The following SUCLG1 variants were observed in gnomAD, a reference collection of about 807,000 sequenced individuals.
The protein encoded by SUCLG1 is succinate--CoA ligase [ADP/GDP-forming] subunit alpha, mitochondrial.
SUCLG1 carries 26 observed loss-of-function variants against 37.3 expected under a neutral mutation model. The observed-to-expected ratio is 0.70, with a 90% CI of 0.51 to 0.97. The LOEUF (loss-of-function observed/expected upper bound fraction) is 0.97, where lower values mean the gene tolerates loss of function less well. Among genes scored for constraint, SUCLG1 ranks in the 50% least tolerant of loss-of-function variants. The pLI is 0.00. For synonymous variants in SUCLG1, 163 were observed against 155.6 expected (o/e 1.05, Z -0.36); for missense variants, 433 against 432.9 (o/e 1.00, Z 0.00).
intron 7 of SUCLG1, among the ~76,000 whole-genome samples, chr2:84,428,562 G>A (rs1378316545): frequency 6.6e-6 from 1 of 152,294 alleles, no homozygotes; most frequent in Non-Finnish European, 1.5e-5. Context: ...TCCCCAAAAA[G>A]TGGGAATATT....
At chr2:84,446,767 A>T (rs937742282) in intron 2 of SUCLG1, among the ~76,000 whole-genome samples, 1 of 152,360 alleles carries the variant, frequency 6.6e-6, no homozygotes, top group African/African-American at 2.4e-5. Flanking sequence ...TTTGCAATTT[A>T]AAAAAGTAAA....
At chr2:84,438,193 T>C (rs745334217) in intron 5 of SUCLG1, among the ~76,000 whole-genome samples, 1 of 152,216 alleles carries the variant, frequency 6.6e-6, no homozygotes, top group Non-Finnish European at 1.5e-5. Context: ...TTGCAAGATG[T>C]TAACCATTGG....
rs200853949 is a variant in SUCLG1 at position 84,450,059 on chromosome 2, TG to T, written c.98-308del. ...TCATTTTTATTTCCTAGAAAAAAAC[TG>T]GGGCTCAAAGATAAATGGTTAAAAT... On this transcript the variant is annotated intron_variant, in intron 1 of 8. Transcript: ENST00000393868. Among the ~76,000 whole-genome samples, 729 of 152,214 alleles carry T rather than the reference TG, an allele frequency of 4.8e-3. 11 individuals carry two copies. The East Asian group carries it at 0.066, about 14-fold the overall frequency.
chr2:84,452,524 G>C (rs1238949076), intron 1 of SUCLG1, among the ~76,000 whole-genome samples: 2 of 152,128 alleles, frequency 1.3e-5, no homozygotes, highest in African/African-American at 4.8e-5. Flanking sequence ...TATACTGGGG[G>C]ACTTTAAAAG....
chr2:84,456,809 G>A (rs181741973), intron 1 of SUCLG1, among the ~76,000 whole-genome samples: 23 of 152,068 alleles, frequency 1.5e-4, no homozygotes, highest in African/African-American at 3.1e-4. Flanking sequence ...GATTACAGGC[G>A]CCTGCCACCA....
Position 84,423,714 on chromosome 2 carries a change from C to T in SUCLG1, c.*32G>A. ...TGCTGGGTTACATGTCTACGTGATC[C>T]ATTCCACAGTTTTAGGAATTTTTTT... On this transcript the variant is annotated 3_prime_UTR_variant, in exon 9 of 9. Transcript: ENST00000393868. 1 of 1,588,036 alleles carries T rather than the reference C, an allele frequency of 6.3e-7. No homozygotes were observed. The highest frequency in any genetic ancestry group is 1.1e-5 in the South Asian group (1 of 88,486).
intron 1 of SUCLG1, among the ~76,000 whole-genome samples, chr2:84,452,044 G>T (rs901307369): frequency 6.6e-6 from 1 of 152,114 alleles, no homozygotes; most frequent in Non-Finnish European, 1.5e-5. Flanking sequence ...AACATTTGAG[G>T]AGCACCCATA....
chr2:84,431,547 T>G lies in SUCLG1; in HGVS notation c.786A>C (p.Ala262=), dbSNP rs1672614573. ...TCAAAAATTCTGCAGCATTCTCTTCTGCATTACCACCAATTTCACCAATCA... is the reference window on the plus strand; with the variant it reads ...TCAAAAATTCTGCAGCATTCTCTTCGGCATTACCACCAATTTCACCAATCA... ...IILIGEIGGN[A]EENAAEFLKQ... Residue 262 remains alanine, a synonymous_variant, in exon 7 of 9, where the codon GCA becomes GCC. Coordinates refer to ENST00000393868, the MANE Select transcript of SUCLG1 (RefSeq NM_003849.4). 1.2e-6 allele frequency: 2 copies of G among 1,613,954 alleles called. No individual in the cohort carries two copies. Among genetic ancestry groups the G allele is most frequent in the Non-Finnish European group, 1.7e-6 (2 of 1,179,936 alleles).
chr2:84,449,675 T>C lies in SUCLG1; in HGVS notation c.175A>G (p.Ile59Val). The C allele has an allele frequency of 6.3e-7, 1 of 1,596,048 alleles. No individual in the cohort carries two copies. The highest frequency in any genetic ancestry group is 8.5e-7 in the Non-Finnish European group (1 of 1,173,698). The change falls in exon 2 of 9, where the codon ATT becomes GTT. Residue 59 changes from isoleucine (I) to valine (V), a missense_variant. By Grantham distance (29) the Ile-to-Val change is conservative. Coordinates refer to ENST00000393868, the MANE Select transcript of SUCLG1 (RefSeq NM_003849.4). ...TGTTTGCCAGTGAAACCCTGGCAAA[T>C]AATCTTTGTATTTTTATCAACATAG... ...HLYVDKNTKIICQGFTGKQGT... is the reference protein window; with the variant it reads ...HLYVDKNTKIVCQGFTGKQGT...
At chr2:84,455,494 C>CAAA (rs5832611) in intron 1 of SUCLG1, among the ~76,000 whole-genome samples, 22 of 151,314 alleles carry the variant, frequency 1.5e-4, no homozygotes, top group African/African-American at 5.3e-4. Context: ...AACTCTGTCT[C>CAAA]AAAAAAAACA....
chr2:84,437,807 A>C (rs1672709787), intron 5 of SUCLG1, among the ~76,000 whole-genome samples: 1 of 152,256 alleles, frequency 6.6e-6, no homozygotes, highest in Admixed American at 6.5e-5. Context: ...AACTGAAAAC[A>C]ACCCAGATGT....
intron 2 of SUCLG1, among the ~76,000 whole-genome samples, chr2:84,445,406 C>T (rs1319676838): frequency 6.6e-6 from 1 of 152,082 alleles, no homozygotes; most frequent in African/African-American, 2.4e-5. Flanking sequence ...GGTGACCCCT[C>T]CCACATACAC....
At position 84,454,961 on chromosome 2, in the gene SUCLG1, T is replaced by C. The variant is rs148843457; in HGVS notation, c.97+4212A>G. Among the ~76,000 whole-genome samples the C allele has an allele frequency of 3.9e-4, 60 of 152,286 alleles. No individual in the cohort carries two copies. In the South Asian group the frequency reaches 6.8e-3, roughly 17 times the overall value. ...CTCAAACTGTGTCCCTGGTAAACATTTATTCGTGCACGTACTCATGAATTT... is the reference window on the plus strand; with the variant it reads ...CTCAAACTGTGTCCCTGGTAAACATCTATTCGTGCACGTACTCATGAATTT... On this transcript the variant is annotated intron_variant, in intron 1 of 8. Coordinates refer to ENST00000393868, the MANE Select transcript of SUCLG1 (RefSeq NM_003849.4).
intron 7 of SUCLG1, among the ~76,000 whole-genome samples, 193 bp downstream of exon 7, chr2:84,431,315 G>C (rs1672610425): frequency 1.3e-5 from 2 of 152,166 alleles, no homozygotes; most frequent in South Asian, 4.1e-4. Context: ...GGAGAGTTCA[G>C]AATAGAGAAG....
chr2:84,426,665 T>TAA lies in SUCLG1; in HGVS notation c.826-1064_826-1063dup, dbSNP rs5832609. The stretch of plus-strand genomic sequence containing the variant: ...CTGGCGACAGAGCAAGACTCTGTCT[T>TAA]AAAAAAAAAAAGATACCATAAACTA... On this transcript the variant is annotated intron_variant, in intron 7 of 8. Transcript: ENST00000393868. The TAA allele has an allele frequency of 7.2e-3, 1,066 of 147,850 alleles. 16 individuals are homozygous for TAA. Among genetic ancestry groups the TAA allele is most frequent in the African/African-American group, 0.024 (961 of 40,362 alleles). The allele number at this position is 147,850 out of a possible 1,614,324, so 9.2% of individuals were successfully genotyped here.
In SUCLG1 at chr2:84,441,489, A is replaced by AT. The variant is rs943128411; in HGVS notation, c.319-31dup. The AT allele has an allele frequency of 1.9e-6, 3 of 1,602,012 alleles. No homozygotes were observed. In the African/African-American group the frequency reaches 4.0e-5, roughly 21 times the overall value. ...AACATTAACGACGAAGCACCTTATT[A>AT]TTTGTTAAATCATAAACATTGTAAA... On this transcript the variant is annotated intron_variant, in intron 3 of 8. Coordinates refer to ENST00000393868, the MANE Select transcript of SUCLG1 (RefSeq NM_003849.4).
At chr2:84,432,444 A>G (rs1016250231) in intron 6 of SUCLG1, 1 of 152,222 alleles carries the variant, frequency 6.6e-6, no homozygotes, top group African/African-American at 2.4e-5. Flanking sequence ...TAGATCTGTC[A>G]TTTCCTAATT....
intron 3 of SUCLG1, among the ~76,000 whole-genome samples, chr2:84,442,922 C>T (rs900072283): frequency 6.6e-6 from 1 of 152,156 alleles, no homozygotes; most frequent in African/African-American, 2.4e-5. Context: ...TGTAGTGAGG[C>T]CTGAACAGGG....
chr2:84,441,134 T>TA lies in SUCLG1; in HGVS notation c.532-31dup, dbSNP rs34359115. 694 of 1,482,096 alleles carry TA rather than the reference T, an allele frequency of 4.7e-4. 3 individuals carry two copies. Among genetic ancestry groups the TA allele is most frequent in the African/African-American group, 1.1e-3 (82 of 71,512 alleles). The allele number at this position is 1,482,096 out of a possible 1,614,324, so 91.8% of individuals were successfully genotyped here. A position where few individuals can be genotyped will look rare whatever the true frequency, so the allele number is the denominator to read the frequency against. On this transcript the variant is annotated intron_variant, in intron 4 of 8. Coordinates refer to ENST00000393868, the MANE Select transcript of SUCLG1 (RefSeq NM_003849.4). ...AAGTAATCATAGTTTTCAGAAATGTTAAAAAAAAAAGTCACTCACAGGTCA... is the reference window on the plus strand; with the variant it reads ...AAGTAATCATAGTTTTCAGAAATGTTAAAAAAAAAAAGTCACTCACAGGTCA...
Sources: allele counts gnomAD v4.1 joint callset (sites outside exome capture counted in the v4.1 genomes callset), GRCh38; gene constraint gnomAD v4.1.1; transcripts MANE v1.5; gene names NCBI Gene and HGNC (gene_info 2026-07-23, HGNC 2026-07-21).